The following RRP15 variants were observed in gnomAD, a reference collection of about 807,000 sequenced individuals.
RRP15 encodes the protein RRP15-like protein.
RRP15 carries 18 observed loss-of-function variants against 27.1 expected under a neutral mutation model. That is an observed-to-expected ratio of 0.66 (90% confidence interval 0.46 to 0.98). The LOEUF is 0.98. Ranked by LOEUF, RRP15 falls within the 50% of genes least tolerant of loss-of-function variation. The probability of loss-of-function intolerance (pLI) is 0.00; values close to 1 mark genes in which losing one functional copy is unlikely to be tolerated. For missense variants in RRP15, 359 were observed against 337.8 expected (o/e 1.06, Z -0.49); for synonymous variants, 107 against 109.4 (o/e 0.98, Z 0.14).
At chr1:218,290,907 T>C (rs1655627722) in intron 1 of RRP15, among the ~76,000 whole-genome samples, 1 of 152,124 alleles carries the variant, frequency 6.6e-6, no homozygotes, top group Non-Finnish European at 1.5e-5. Flanking sequence ...GGTGGGAGGA[T>C]TGCTTGAACC....
chr1:218,300,427 A>C (rs1388853625), intron 1 of RRP15, among the ~76,000 whole-genome samples: 2 of 152,088 alleles, frequency 1.3e-5, no homozygotes, highest in African/African-American at 4.8e-5. Context: ...GTTTTACATC[A>C]TTTTTTGTTT....
intron 4 of RRP15, among the ~76,000 whole-genome samples, 176 bp downstream of exon 4, chr1:218,307,808 C>G (rs1314609423): frequency 1.3e-5 from 2 of 152,066 alleles, no homozygotes; most frequent in East Asian, 3.9e-4. Flanking sequence ...TATCTGAAAT[C>G]CTGCCATTTT....
intron 1 of RRP15, among the ~76,000 whole-genome samples, chr1:218,286,839 C>T (rs1655555886): frequency 6.6e-6 from 1 of 152,194 alleles, no homozygotes; most frequent in Non-Finnish European, 1.5e-5. Flanking sequence ...ATTAGAACTT[C>T]TGGTTCTGAT....
intron 4 of RRP15, among the ~76,000 whole-genome samples, 156 bp downstream of exon 4, chr1:218,307,788 GCCTCT>G (rs1291680221): frequency 6.6e-6 from 1 of 152,104 alleles, no homozygotes; most frequent in East Asian, 1.9e-4. Flanking sequence ...GATAGGGCTT[GCCTCT>G]CTCCTATCTG....
chr1:218,330,060 C>G (rs1656342142), intron 4 of RRP15, among the ~76,000 whole-genome samples: 1 of 152,014 alleles, frequency 6.6e-6, no homozygotes, highest in Non-Finnish European at 1.5e-5. Context: ...CTGTGATTGA[C>G]ATAAATAGAT....
At chr1:218,305,836 G>C (rs775324586) in intron 3 of RRP15, among the ~76,000 whole-genome samples, 1 of 152,144 alleles carries the variant, frequency 6.6e-6, no homozygotes, top group Non-Finnish European at 1.5e-5. Flanking sequence ...GTGCGATAGC[G>C]TGGTGTGGTG....
chr1:218,287,396 A>G (rs1454268450), intron 1 of RRP15, among the ~76,000 whole-genome samples: 1 of 152,142 alleles, frequency 6.6e-6, no homozygotes. Context: ...GTTATAGATC[A>G]GCCACATTAC....
rs575206349 is a variant in RRP15 at position 218,335,387 on chromosome 1, C to A, written c.*4296C>A. ...CTGTTAAACACTCTTTGGTTTTCAACTGAGTAAGGCAAGCAAGGATATATG... is the reference window on the plus strand; with the variant it reads ...CTGTTAAACACTCTTTGGTTTTCAAATGAGTAAGGCAAGCAAGGATATATG... On this transcript the variant is annotated 3_prime_UTR_variant, in exon 5 of 5. Transcript: ENST00000366932. 8.5e-5 allele frequency: 13 copies of A among 152,248 alleles called. No homozygotes were observed. The highest frequency in any genetic ancestry group is 2.6e-4 in the African/African-American group (11 of 41,544). The allele number at this position is 152,248 out of a possible 1,614,324, so 9.4% of individuals were successfully genotyped here. A position where few individuals can be genotyped will look rare whatever the true frequency, so the allele number is the denominator to read the frequency against.
At chr1:218,288,371 T>C (rs1328092005) in intron 1 of RRP15, among the ~76,000 whole-genome samples, 1 of 152,238 alleles carries the variant, frequency 6.6e-6, no homozygotes, top group Non-Finnish European at 1.5e-5. Context: ...CATACTACAC[T>C]GTTAGAGGAA....
intron 1 of RRP15, among the ~76,000 whole-genome samples, chr1:218,289,026 A>G (rs1371447251): frequency 6.6e-6 from 1 of 152,216 alleles, no homozygotes; most frequent in East Asian, 1.9e-4. Context: ...AAATGAGGAT[A>G]ATAATAATGT....
At chr1:218,308,141 G>A (rs542553980) in intron 4 of RRP15, among the ~76,000 whole-genome samples, 2 of 131,914 alleles carry the variant, frequency 1.5e-5, no homozygotes, top group African/African-American at 5.8e-5. Flanking sequence ...GCGCGATCTC[G>A]GCTCACTGAA....
chr1:218,303,301 T>G (rs1479977285), intron 2 of RRP15, among the ~76,000 whole-genome samples: 1 of 152,214 alleles, frequency 6.6e-6, no homozygotes, highest in Non-Finnish European at 1.5e-5. Context: ...CCAAAGTCAC[T>G]TCATAGGTAA....
In RRP15 at chr1:218,315,942, G is replaced by A. The variant is rs1205253033; in HGVS notation, c.705+8310G>A. On this transcript the variant is annotated intron_variant, in intron 4 of 4. Transcript: ENST00000366932. ...AGCTTAATGTTTGTTTACTGAAAAT[G>A]CCTAAATAGAGCTTAGGCAAAAGTG... is the stretch of plus-strand genomic sequence containing the variant. 4.6e-5 allele frequency among the ~76,000 whole-genome samples: 7 copies of A among 152,194 alleles called. No individual in the cohort carries two copies. The East Asian group carries it at 1.2e-3, about 25-fold the overall frequency.
At position 218,334,426 on chromosome 1, in the gene RRP15, C is replaced by T. The variant is rs116666453; in HGVS notation, c.*3335C>T. On this transcript the variant is annotated 3_prime_UTR_variant, in exon 5 of 5. Coordinates refer to ENST00000366932, the MANE Select transcript of RRP15 (RefSeq NM_016052.4). ...TAAAACAGATGGGTGAAGAAAGGGACGTATAAATTCTGGGAAACCTCTTAT... is the reference window on the plus strand; with the variant it reads ...TAAAACAGATGGGTGAAGAAAGGGATGTATAAATTCTGGGAAACCTCTTAT... The T allele has an allele frequency of 2.0e-5, 3 of 152,056 alleles. No homozygotes were observed. Among genetic ancestry groups the T allele is most frequent in the Non-Finnish European group, 4.4e-5 (3 of 68,008 alleles). The allele number at this position is 152,056 out of a possible 1,614,324, so 9.4% of individuals were successfully genotyped here.
intron 4 of RRP15, among the ~76,000 whole-genome samples, chr1:218,312,938 G>A (rs950624486): frequency 6.6e-6 from 1 of 152,170 alleles, no homozygotes; most frequent in Non-Finnish European, 1.5e-5. Flanking sequence ...GGATTCTGAG[G>A]AAGTAGGTTG....
At chr1:218,302,715 T>C in intron 2 of RRP15, 156 bp downstream of exon 2, 1 of 1,176,794 alleles carries the variant, frequency 8.5e-7, no homozygotes, top group Non-Finnish European at 1.2e-6. Flanking sequence ...TTTAGGAATT[T>C]AGTCTAAATT....
At chr1:218,319,223 C>T (rs1483799961) in intron 4 of RRP15, among the ~76,000 whole-genome samples, 1 of 151,984 alleles carries the variant, frequency 6.6e-6, no homozygotes, top group South Asian at 2.1e-4. Context: ...CGCCACGACG[C>T]TTAGCTAATT....
intron 4 of RRP15, among the ~76,000 whole-genome samples, chr1:218,316,823 C>A (rs1656096154): frequency 6.6e-6 from 1 of 152,072 alleles, no homozygotes; most frequent in Non-Finnish European, 1.5e-5. Context: ...AGTTGGAAAC[C>A]AATTTGAAGG....
At position 218,307,455 on chromosome 1, in the gene RRP15, T is replaced by C; in HGVS notation, c.528T>C (p.Ala176=). 6.2e-7 allele frequency: 1 copy of C among 1,613,920 alleles called. No individual in the cohort carries two copies. Among genetic ancestry groups the C allele is most frequent in the South Asian group, 1.1e-5 (1 of 91,070 alleles). The change falls in exon 4 of 5, where the codon GCT becomes GCC. Residue 176 remains alanine, a synonymous_variant. Transcript: ENST00000366932. The stretch of plus-strand genomic sequence containing the variant: ...GGGGTGTGGTGCAATTATTTAATGC[T>C]GTTCAGAAACATCAAAAGAATGTTG... ...ATRGVVQLFN[A]VQKHQKNVDE...
Sources: gnomAD v4.1 joint callset for allele counts (sites outside exome capture counted in the v4.1 genomes callset) on GRCh38, gnomAD v4.1.1 for gene constraint, MANE v1.5 for transcripts, NCBI Gene and HGNC (gene_info 2026-07-23, HGNC 2026-07-21) for gene names.